The following HPSE2 variants were observed in gnomAD, a reference collection of about 807,000 sequenced individuals.
The protein encoded by HPSE2 is heparanase 2 (inactive), also known as inactive heparanase-2.
HPSE2 carries 38 observed loss-of-function variants against 60.5 expected under a neutral mutation model. That is an observed-to-expected ratio of 0.63 (90% CI 0.48 to 0.82). The LOEUF (loss-of-function observed/expected upper bound fraction) is 0.82. Ranked by LOEUF, HPSE2 falls within the 40% of genes least tolerant of loss-of-function variation. HPSE2 has a pLI of 0.00. For missense variants in HPSE2, 713 were observed against 740.4 expected (o/e 0.96, Z 0.43); for synonymous variants, 295 against 293.2 (o/e 1.01, Z -0.06).
intron 9 of HPSE2, among the ~76,000 whole-genome samples, chr10:98,596,337 G>GT (rs71488860): frequency 4.9e-5 from 2 of 40,648 alleles, no homozygotes; most frequent in African/African-American, 3.3e-4. Context: ...ATTTTTAGTA[G>GT]TTTTTTAATC....
At chr10:99,174,773 G>A (rs1847456420) in intron 2 of HPSE2, among the ~76,000 whole-genome samples, 1 of 152,160 alleles carries the variant, frequency 6.6e-6, no homozygotes, top group African/African-American at 2.4e-5. Context: ...GAAGCCATTA[G>A]GGTATGCCCT....
intron 3 of HPSE2, among the ~76,000 whole-genome samples, chr10:98,996,887 A>C (rs1956652482): frequency 6.6e-6 from 1 of 152,174 alleles, no homozygotes; most frequent in Non-Finnish European, 1.5e-5. Context: ...CTGACTGGGA[A>C]GGAGCATAAG....
intron 9 of HPSE2, 66 bp from the exon 10 acceptor site, chr10:98,490,262 G>GACACAC (rs59184373): frequency 2.2e-5 from 28 of 1,251,900 alleles, no homozygotes; most frequent in Middle Eastern, 2.4e-4. Flanking sequence ...GAGTAAACAT[G>GACACAC]ACACACACAC....
chr10:98,733,998 A>T (rs1204041923), intron 4 of HPSE2, among the ~76,000 whole-genome samples: 1 of 152,178 alleles, frequency 6.6e-6, no homozygotes, highest in Non-Finnish European at 1.5e-5. Context: ...GCCTTTTAGC[A>T]GTCACCCCTC....
chr10:98,529,071 C>T (rs917676423), intron 9 of HPSE2, among the ~76,000 whole-genome samples: 21 of 152,238 alleles, frequency 1.4e-4, no homozygotes, highest in Admixed American at 1.3e-3. Flanking sequence ...TGCGCGCACG[C>T]GCGCACACAC....
chr10:98,553,597 A>AT (rs1323475637), intron 9 of HPSE2, among the ~76,000 whole-genome samples: 2 of 151,980 alleles, frequency 1.3e-5, no homozygotes, highest in Non-Finnish European at 2.9e-5. Flanking sequence ...TTCCAGCTGA[A>AT]TTTTCTACCA....
At chr10:99,309,359 A>T in the HPSE2 span, among the ~76,000 whole-genome samples, 1 of 152,230 alleles carries the variant, frequency 6.6e-6, no homozygotes. Context: ...CAAACTATTT[A>T]AAAATGAGCA....
chr10:98,812,747 A>G (rs1043354671), intron 3 of HPSE2, among the ~76,000 whole-genome samples: 1 of 152,206 alleles, frequency 6.6e-6, no homozygotes, highest in African/African-American at 2.4e-5. Context: ...TTTCATATGA[A>G]TATTTGATTT....
chr10:98,740,977 T>C (rs1949482130), intron 4 of HPSE2, among the ~76,000 whole-genome samples: 1 of 152,160 alleles, frequency 6.6e-6, no homozygotes, highest in Admixed American at 6.6e-5. Flanking sequence ...AGAAAAACTA[T>C]CAGTAGTTGT....
chr10:98,473,704 G>A (rs1940881917), intron 11 of HPSE2, among the ~76,000 whole-genome samples: 1 of 152,036 alleles, frequency 6.6e-6, no homozygotes. Flanking sequence ...TAGATATATA[G>A]AAAAATTGAT....
At chr10:99,016,157 T>C (rs1957136284) in intron 3 of HPSE2, among the ~76,000 whole-genome samples, 1 of 152,236 alleles carries the variant, frequency 6.6e-6, no homozygotes, top group South Asian at 2.1e-4. Context: ...CTTCCAGGGA[T>C]TTTAAAGTTT....
intron 3 of HPSE2, among the ~76,000 whole-genome samples, chr10:99,027,849 C>A (rs1957413689): frequency 6.6e-6 from 1 of 152,096 alleles, no homozygotes; most frequent in African/African-American, 2.4e-5. Flanking sequence ...AAGGATGTTT[C>A]AACATATGCA....
intron 3 of HPSE2, among the ~76,000 whole-genome samples, chr10:99,001,023 ACT>A (rs1956766228): frequency 1.3e-5 from 2 of 151,990 alleles, no homozygotes; most frequent in Admixed American, 1.3e-4. Flanking sequence ...AAATAGCTGA[ACT>A]GTAATTTGAA....
intron 9 of HPSE2, among the ~76,000 whole-genome samples, chr10:98,546,715 AG>A (rs1412720080): frequency 8.6e-5 from 13 of 150,862 alleles, no homozygotes; most frequent in Admixed American, 8.6e-4. Flanking sequence ...AAGAAAACCT[AG>A]GCATTACCAT....
At chr10:98,607,201 G>C (rs1157954868) in intron 9 of HPSE2, among the ~76,000 whole-genome samples, 1 of 151,812 alleles carries the variant, frequency 6.6e-6, no homozygotes, top group Non-Finnish European at 1.5e-5. Flanking sequence ...TTCCAGAGCT[G>C]ACCTTGCTCC....
intron 7 of HPSE2, among the ~76,000 whole-genome samples, chr10:98,636,441 T>C (rs1946503982): frequency 6.6e-6 from 1 of 152,100 alleles, no homozygotes; most frequent in Non-Finnish European, 1.5e-5. Flanking sequence ...GGTTTCACCA[T>C]GTTGGCCAGG....
chr10:99,311,086 CA>C, the HPSE2 span, among the ~76,000 whole-genome samples: 1 of 151,908 alleles, frequency 6.6e-6, no homozygotes, highest in Non-Finnish European at 1.5e-5. Flanking sequence ...TTCTCTGATA[CA>C]AAAAAGTATG....
intron 9 of HPSE2, among the ~76,000 whole-genome samples, chr10:98,510,551 T>C (rs1007042295): frequency 6.6e-6 from 1 of 152,188 alleles, no homozygotes; most frequent in Non-Finnish European, 1.5e-5. Flanking sequence ...GTTTGTGAAC[T>C]GGACTGTCTA....
the HPSE2 span, among the ~76,000 whole-genome samples, chr10:99,307,378 T>C: frequency 2.0e-5 from 3 of 152,216 alleles, no homozygotes; most frequent in Non-Finnish European, 4.4e-5. Flanking sequence ...CCTGTGACTA[T>C]TGATTGTGCA....
Sources: allele counts gnomAD v4.1 joint callset (sites outside exome capture counted in the v4.1 genomes callset), GRCh38; gene constraint gnomAD v4.1.1; transcripts MANE v1.5; gene names NCBI Gene and HGNC (gene_info 2026-07-23, HGNC 2026-07-21).